Variants in ATRNL1 observed in about 807,000 individuals in gnomAD.
The protein encoded by ATRNL1 is attractin like 1.
A neutral mutation model predicts 182.7 loss-of-function variants in ATRNL1; 95 were observed. The ratio of observed to expected loss-of-function variants is 0.52; its 90% confidence interval spans 0.44 to 0.62. The LOEUF (loss-of-function observed/expected upper bound fraction) is 0.62. ATRNL1 is among the 20% of genes least tolerant of loss of function. ATRNL1 has a pLI of 0.00. For synonymous variants in ATRNL1, 576 were observed against 568.3 expected, an observed-to-expected ratio of 1.01 and a Z score of -0.19; for missense variants, 1,471 against 1,679.5, an observed-to-expected ratio of 0.88 and a Z score of 2.17.
At chr10:115,202,574 G>T (rs1405574691) in intron 8 of ATRNL1, among the ~76,000 whole-genome samples, 1 of 151,784 alleles carries the variant, frequency 6.6e-6, no homozygotes, top group Non-Finnish European at 1.5e-5. Flanking sequence ...GCATCCCAGG[G>T]ATGAAGCCCA....
intron 18 of ATRNL1, among the ~76,000 whole-genome samples, chr10:115,326,889 A>G (rs1380570964): frequency 2.6e-5 from 4 of 152,206 alleles, no homozygotes; most frequent in Non-Finnish European, 5.9e-5. Context: ...ATATGTAGAA[A>G]GCTGAAACTG....
At chr10:115,219,392 C>T (rs1554896910) in intron 9 of ATRNL1, among the ~76,000 whole-genome samples, 12 of 152,172 alleles carry the variant, frequency 7.9e-5, no homozygotes, top group Admixed American at 6.5e-5. Context: ...TGACATTTTT[C>T]GCCTAGCCAG....
At chr10:115,608,753 G>A (rs1419634470) in intron 26 of ATRNL1, among the ~76,000 whole-genome samples, 1 of 151,916 alleles carries the variant, frequency 6.6e-6, no homozygotes, top group East Asian at 1.9e-4. Context: ...AAAAGGATTA[G>A]GTTCAGCAAG....
rs1953909401 is a variant in ATRNL1, at chr10:115,947,829, G to A, written c.*3050G>A. The A allele has an allele frequency of 1.3e-5, 2 of 152,182 alleles. No individual in the cohort carries two copies. The highest frequency in any genetic ancestry group is 1.9e-4 in the East Asian group (1 of 5,190). The allele number at this position is 152,182 out of a possible 1,614,324, so 9.4% of individuals were successfully genotyped here. On this transcript the variant is annotated 3_prime_UTR_variant, in exon 29 of 29. Coordinates refer to ENST00000355044, the MANE Select transcript of ATRNL1 (RefSeq NM_207303.4). The stretch of plus-strand genomic sequence containing the variant: ...CCCAGCTTTCAGGTGTGTGGTGCTG[G>A]GTAAGTTTCACCTTTGAAGCCTCAG...
chr10:115,382,824 G>C (rs1858100651), intron 19 of ATRNL1, among the ~76,000 whole-genome samples: 1 of 150,548 alleles, frequency 6.6e-6, no homozygotes, highest in African/African-American at 2.4e-5. Flanking sequence ...GTTTTTTACT[G>C]TTAAACATGT....
chr10:115,358,562 A>G (rs1319238841), intron 19 of ATRNL1, among the ~76,000 whole-genome samples: 1 of 151,738 alleles, frequency 6.6e-6, no homozygotes, highest in African/African-American at 2.4e-5. Context: ...ATTGCTAAAA[A>G]GCTAATCTAA....
chr10:115,872,731 G>A (rs76697999), intron 28 of ATRNL1, among the ~76,000 whole-genome samples: 2,400 of 152,318 alleles, frequency 0.016, 76 homozygotes, highest in African/African-American at 0.055. Flanking sequence ...GTTTCCGGGA[G>A]ATACTGTTAT....
chr10:115,162,442 A>G (rs928755066), intron 6 of ATRNL1, among the ~76,000 whole-genome samples: 13 of 151,982 alleles, frequency 8.6e-5, no homozygotes, highest in African/African-American at 3.1e-4. Context: ...TTGAGGAGCA[A>G]CAACCAGGCC....
chr10:115,759,972 G>A (rs1343429704), intron 27 of ATRNL1, among the ~76,000 whole-genome samples: 1 of 149,962 alleles, frequency 6.7e-6, no homozygotes, highest in Non-Finnish European at 1.5e-5. Context: ...GATTACAAGC[G>A]TGAGCCACTG....
rs189443178 is a variant in ATRNL1, at chr10:115,780,956, T to G, written c.3903+53601T>G. Among the ~76,000 whole-genome samples, 40 of 152,284 alleles carry G rather than the reference T, an allele frequency of 2.6e-4. 1 individual carries two copies. The highest frequency in any genetic ancestry group is 8.9e-4 in the African/African-American group (37 of 41,558). On this transcript the variant is annotated intron_variant, in intron 27 of 28. Transcript: ENST00000355044. ...TGGAGGGAGACCAGAAGAAGGAATATATATGGAAGTTCTCATATACATCTA... is the reference window on the plus strand; with the variant it reads ...TGGAGGGAGACCAGAAGAAGGAATAGATATGGAAGTTCTCATATACATCTA...
chr10:115,211,990 TTTA>T (rs1374183002), intron 8 of ATRNL1, among the ~76,000 whole-genome samples: 1 of 151,798 alleles, frequency 6.6e-6, no homozygotes, highest in African/African-American at 2.4e-5. Context: ...ATAAATTTTA[TTTA>T]TTTTTATTTT....
At chr10:115,612,438 C>T (rs138326500) in intron 26 of ATRNL1, among the ~76,000 whole-genome samples, 1 of 152,214 alleles carries the variant, frequency 6.6e-6, no homozygotes, top group Non-Finnish European at 1.5e-5. Flanking sequence ...CTGGAGTGTG[C>T]AGTATAGATG....
chr10:115,816,537 C>G (rs1950168962), intron 27 of ATRNL1, among the ~76,000 whole-genome samples: 1 of 151,890 alleles, frequency 6.6e-6, no homozygotes, highest in Non-Finnish European at 1.5e-5. Flanking sequence ...TCATCAGGGA[C>G]AGACACATAC....
chr10:115,686,002 C>T (rs1280574826), intron 26 of ATRNL1, among the ~76,000 whole-genome samples: 5 of 151,664 alleles, frequency 3.3e-5, no homozygotes, highest in East Asian at 3.9e-4. Context: ...AGTTACCATA[C>T]ATAGAGCTCT....
At chr10:115,578,255 T>C (rs1854851338) in intron 26 of ATRNL1, among the ~76,000 whole-genome samples, 1 of 151,888 alleles carries the variant, frequency 6.6e-6, no homozygotes, top group African/African-American at 2.4e-5. Context: ...GTCAGGGTGA[T>C]ACTAGCTTCA....
chr10:115,255,374 T>A (rs1246979939), intron 10 of ATRNL1, among the ~76,000 whole-genome samples: 2 of 152,230 alleles, frequency 1.3e-5, no homozygotes, highest in Non-Finnish European at 2.9e-5. Context: ...GTTGGCTTCC[T>A]AGGTATTTTA....
At chr10:115,923,709 A>G (rs1953135968) in intron 28 of ATRNL1, among the ~76,000 whole-genome samples, 1 of 152,232 alleles carries the variant, frequency 6.6e-6, no homozygotes, top group South Asian at 2.1e-4. Flanking sequence ...GTGCCACAAT[A>G]AACATACATG....
chr10:115,130,779 T>C (rs1223678699), intron 5 of ATRNL1, among the ~76,000 whole-genome samples: 5 of 152,118 alleles, frequency 3.3e-5, no homozygotes, highest in Non-Finnish European at 5.9e-5. Context: ...GGTGTATCCA[T>C]ATTATATTTG....
intron 24 of ATRNL1, among the ~76,000 whole-genome samples, chr10:115,493,603 C>T (rs369141948): frequency 2.0e-5 from 3 of 151,998 alleles, no homozygotes; most frequent in African/African-American, 7.3e-5. Context: ...TATGGTAGAA[C>T]GATTTATATT....
Sources: allele counts gnomAD v4.1 joint callset (sites outside exome capture counted in the v4.1 genomes callset), GRCh38; gene constraint gnomAD v4.1.1; transcripts MANE v1.5; gene names NCBI Gene and HGNC (gene_info 2026-07-23, HGNC 2026-07-21).